Variants in IVD observed in about 807,000 individuals in gnomAD.
IVD encodes the protein isovaleryl-CoA dehydrogenase, also known as isovaleryl-CoA dehydrogenase, mitochondrial.
A neutral mutation model predicts 51.3 loss-of-function variants in IVD; 31 were observed. The observed-to-expected ratio is 0.60, with a 90% CI of 0.45 to 0.81. IVD has a LOEUF of 0.81. Among genes scored for constraint, IVD ranks in the 40% least tolerant of loss-of-function variants. The pLI is 0.00. For missense variants in IVD, 475 were observed against 552.0 expected, an observed-to-expected ratio of 0.86 and a Z score of 1.40; for synonymous variants, 205 against 219.4, an observed-to-expected ratio of 0.93 and a Z score of 0.58.
rs1892022027 is a variant in IVD, at chr15:40,419,052, C to T, written c.*789C>T. 1 of 858,196 alleles carries T rather than the reference C, an allele frequency of 1.2e-6. No homozygotes were observed. Among genetic ancestry groups the T allele is most frequent in the South Asian group, 1.4e-5 (1 of 70,244 alleles). 53.2% of individuals were successfully genotyped at this position (858,196 alleles called of 1,614,324 possible). ...TCAGGAGGCTGAGGCAGGAGAATTA[C>T]TTGAACCCAGGAGGCGGACGTTGCA... On this transcript the variant is annotated 3_prime_UTR_variant, in exon 12 of 12. Coordinates refer to ENST00000487418, the MANE Select transcript of IVD (RefSeq NM_002225.5).
At chr15:40,411,228 G>T (rs747158425) in intron 4 of IVD, 32 bp from the exon 5 acceptor site, 1 of 1,607,970 alleles carries the variant, frequency 6.2e-7, no homozygotes, top group East Asian at 2.2e-5. Flanking sequence ...CTCTGAGGTT[G>T]TAACAAGGCC....
At chr15:40,408,294 A>G (rs1035028742) in intron 3 of IVD, among the ~76,000 whole-genome samples, 1 of 152,250 alleles carries the variant, frequency 6.6e-6, no homozygotes, top group Non-Finnish European at 1.5e-5. Context: ...TGGGAAGTTT[A>G]GAAAACTCTG....
downstream of IVD, among the ~76,000 whole-genome samples, chr15:40,428,065 C>T (rs1406926907): frequency 6.6e-6 from 1 of 152,062 alleles, no homozygotes; most frequent in East Asian, 1.9e-4. Flanking sequence ...ACCTGTAATG[C>T]CAGCTACTCA....
chr15:40,414,874 C>T lies in IVD; in HGVS notation c.785-15C>T. ...TGGACAGCTCTCTCCCTCTGACCAG[C>T]ACTTATCCTGGCAGCTGCCAACATC... On this transcript the variant is annotated splice_polypyrimidine_tract_variant and intron_variant, in intron 7 of 11. Coordinates refer to ENST00000487418, the MANE Select transcript of IVD (RefSeq NM_002225.5). 6.2e-7 allele frequency: 1 copy of T among 1,613,942 alleles called. No homozygotes were observed. The highest frequency in any genetic ancestry group is 8.5e-7 in the Non-Finnish European group (1 of 1,179,914).
chr15:40,411,787 T>TG, intron 6 of IVD, 96 bp downstream of exon 6: 1 of 1,457,540 alleles, frequency 6.9e-7, no homozygotes, highest in South Asian at 1.2e-5. Context: ...ATCAGTGTTG[T>TG]GTGCTCTGCA....
rs139660833 is a variant in IVD at position 40,414,065 on chromosome 15, G to A, written c.785-824G>A. On this transcript the variant is annotated intron_variant, in intron 7 of 11. Transcript: ENST00000487418. ...AGACAGATGGGGTTTCACCATGTTG[G>A]CCAGGCTGCTCTCGAACTCCTGACC... 2.7e-3 allele frequency among the ~76,000 whole-genome samples: 406 copies of A among 152,174 alleles called. 2 individuals are homozygous for A. In the Middle Eastern group the frequency reaches 0.034, roughly 13 times the overall value.
downstream of IVD, among the ~76,000 whole-genome samples, chr15:40,423,305 TA>T (rs1231793491): frequency 6.6e-6 from 1 of 152,202 alleles, no homozygotes. Context: ...AAAGCTTATT[TA>T]AAAAAATAAA....
chr15:40,413,015 A>G lies in IVD; in HGVS notation c.712A>G (p.Lys238Glu), dbSNP rs371478027. 1 of 1,614,078 alleles carries G rather than the reference A, an allele frequency of 6.2e-7. No homozygotes were observed. Among genetic ancestry groups the G allele is most frequent in the Non-Finnish European group, 8.5e-7 (1 of 1,179,956 alleles). The change falls in exon 7 of 12, where the codon AAG becomes GAG. Residue 238 changes from lysine (K) to glutamate (E), a missense_variant. Lys to Glu is a moderately conservative substitution (Grantham distance 56, BLOSUM62 1). Coordinates refer to ENST00000487418, the MANE Select transcript of IVD (RefSeq NM_002225.5). ...GGGTATGCCTGGCTTTAGCACCTCT[A>G]AGAAGCTGGACAAGCTGGGGATGAG... ...EKGMPGFSTS[K>E]KLDKLGMRGS... is the part of the protein sequence containing the mutation.
At chr15:40,434,495 A>T (rs1443800473) in intron 8 of IVD, among the ~76,000 whole-genome samples, 1 of 152,190 alleles carries the variant, frequency 6.6e-6, no homozygotes, top group African/African-American at 2.4e-5. Flanking sequence ...CATAAAGAGG[A>T]TGTTAAAGCC....
intron 3 of IVD, 52 bp downstream of exon 3, chr15:40,408,042 A>C: frequency 6.6e-7 from 1 of 1,524,242 alleles, no homozygotes; most frequent in South Asian, 1.1e-5. Context: ...GCCCTTTAAG[A>C]CAGTTCCCAA....
intron 1 of IVD, among the ~76,000 whole-genome samples, chr15:40,406,807 A>G (rs189209674): frequency 1.3e-5 from 2 of 152,130 alleles, no homozygotes; most frequent in East Asian, 3.9e-4. Flanking sequence ...CTCAAGTGGA[A>G]AGGGTTCAAT....
intron 7 of IVD, among the ~76,000 whole-genome samples, chr15:40,430,488 C>T (rs911788648): frequency 1.3e-5 from 2 of 152,208 alleles, no homozygotes; most frequent in East Asian, 1.9e-4. Flanking sequence ...GCAGGAGTCA[C>T]GGAAGGGTTT....
At chr15:40,431,214 G>A (rs192289074) in intron 7 of IVD, among the ~76,000 whole-genome samples, 2 of 151,560 alleles carry the variant, frequency 1.3e-5, no homozygotes, top group East Asian at 3.9e-4. Flanking sequence ...GAACTCCTGG[G>A]CTCAAGCTAT....
chr15:40,420,841 A>G lies in IVD; in HGVS notation c.*2578A>G. The G allele has an allele frequency of 1.0e-6, 1 of 985,502 alleles. No individual in the cohort carries two copies. Among genetic ancestry groups the G allele is most frequent in the Non-Finnish European group, 1.2e-6 (1 of 829,966 alleles). 61.0% of individuals were successfully genotyped at this position (985,502 alleles called of 1,614,324 possible). A position where few individuals can be genotyped will look rare whatever the true frequency, so the allele number is the denominator to read the frequency against. On this transcript the variant is annotated 3_prime_UTR_variant, in exon 12 of 12. Coordinates refer to ENST00000487418, the MANE Select transcript of IVD (RefSeq NM_002225.5). ...TGGGCCGCACTGTACAGCAGTCTGG[A>G]TAGAGTGTGATCTGAGAAGGGAATG...
chr15:40,433,359 A>G (rs1192033241), intron 7 of IVD, among the ~76,000 whole-genome samples: 1 of 152,186 alleles, frequency 6.6e-6, no homozygotes, highest in Non-Finnish European at 1.5e-5. Context: ...GTGCCTGTTC[A>G]TGCCTTCTGT....
At chr15:40,408,725 T>C (rs1478928326) in intron 3 of IVD, among the ~76,000 whole-genome samples, 1 of 151,872 alleles carries the variant, frequency 6.6e-6, no homozygotes, top group African/African-American at 2.4e-5. Flanking sequence ...CCGAGGCAGG[T>C]GGATCACCTG....
intron 8 of IVD, among the ~76,000 whole-genome samples, chr15:40,434,669 C>T (rs893535736): frequency 1.3e-5 from 2 of 152,268 alleles, no homozygotes; most frequent in Middle Eastern, 3.4e-3. Flanking sequence ...ACCTGAGCTT[C>T]GGGAGACCTT....
chr15:40,418,315 G>A lies in IVD; in HGVS notation c.*52G>A. 1 of 1,610,886 alleles carries A rather than the reference G, an allele frequency of 6.2e-7. No homozygotes were observed. Among genetic ancestry groups the A allele is most frequent in the East Asian group, 2.2e-5 (1 of 44,820 alleles). On this transcript the variant is annotated 3_prime_UTR_variant, in exon 12 of 12. Coordinates refer to ENST00000487418, the MANE Select transcript of IVD (RefSeq NM_002225.5). ...TGCACCTAGTGGCCTTTCTTGGGAA[G>A]TAGAGATGTGGCGGCTTTCCCACCC...
chr15:40,415,806 AG>A (rs1365603304), intron 9 of IVD, among the ~76,000 whole-genome samples: 1 of 152,216 alleles, frequency 6.6e-6, no homozygotes, highest in Non-Finnish European at 1.5e-5. Context: ...AGCTGCTGGA[AG>A]GTAATAAGCA....
Sources: allele counts gnomAD v4.1 joint callset (sites outside exome capture counted in the v4.1 genomes callset), GRCh38; gene constraint gnomAD v4.1.1; transcripts MANE v1.5; gene names NCBI Gene and HGNC (gene_info 2026-07-23, HGNC 2026-07-21).